Variants in ZNF709 observed in about 807,000 individuals in gnomAD.
ZNF709 encodes zinc finger protein 709.
A neutral mutation model predicts 10.6 loss-of-function variants in ZNF709; 15 were observed. The observed-to-expected ratio is 1.41, with a 90% CI of 0.95 to 2.18. The LOEUF (loss-of-function observed/expected upper bound fraction) is 2.18. Ranked by LOEUF, ZNF709 falls within the 30% of genes most tolerant of loss-of-function variation. The probability of loss-of-function intolerance (pLI) is 0.00; values close to 1 mark genes in which losing one functional copy is unlikely to be tolerated. For missense variants in ZNF709, 589 were observed against 774.0 expected (o/e 0.76, Z 2.84); for synonymous variants, 194 against 238.8 (o/e 0.81, Z 1.73).
Position 12,466,868 on chromosome 19 carries a change from T to A in ZNF709, c.4-18A>T. On this transcript the variant is annotated intron_variant, in intron 1 of 3. Coordinates refer to ENST00000397732, the MANE Select transcript of ZNF709 (RefSeq NM_152601.4). ...ACTGAGTCCTGAAACATCCCACATG[T>A]ATAGGGGAGGATGGGTGAGACTGAC... The A allele has an allele frequency of 6.2e-7, 1 of 1,609,780 alleles. No homozygotes were observed. The highest frequency in any genetic ancestry group is 1.1e-5 in the South Asian group (1 of 90,382).
chr19:12,484,057 C>T (rs1457633247), intron 1 of ZNF709, among the ~76,000 whole-genome samples: 1 of 152,150 alleles, frequency 6.6e-6, no homozygotes, highest in Non-Finnish European at 1.5e-5. Context: ...CCATCCATTC[C>T]TCTGTACAAA....
At chr19:12,469,084 C>T (rs1970611524) in intron 1 of ZNF709, among the ~76,000 whole-genome samples, 1 of 152,170 alleles carries the variant, frequency 6.6e-6, no homozygotes, top group South Asian at 2.1e-4. Flanking sequence ...TCGTGATCCG[C>T]CCACCTCGGC....
intron 1 of ZNF709, among the ~76,000 whole-genome samples, chr19:12,467,292 G>A (rs35996066): frequency 0.31 from 47,025 of 152,064 alleles, 7,445 homozygotes; most frequent in South Asian, 0.43. Context: ...CGCGCGCGCC[G>A]CCACGCCTGA....
chr19:12,482,188 C>T (rs949613774), intron 1 of ZNF709, among the ~76,000 whole-genome samples: 15 of 151,416 alleles, frequency 9.9e-5, no homozygotes, highest in African/African-American at 3.6e-4. Flanking sequence ...CACACACGCT[C>T]CCTCTCCCTC....
intron 1 of ZNF709, among the ~76,000 whole-genome samples, chr19:12,467,832 A>G (rs28632001): frequency 0.76 from 112,063 of 148,066 alleles, 42,355 homozygotes; most frequent in Non-Finnish European, 0.79. Context: ...GCCCGGCCGC[A>G]ACCCCGTCTG....
chr19:12,462,546 G>C lies in ZNF709; in HGVS notation c.*1450C>G, dbSNP rs540211609. ...GATGAAAATAATAATTCCAATGAGAGAGTATACTGTATGATAAACTTTGCA... is the reference window on the plus strand; with the variant it reads ...GATGAAAATAATAATTCCAATGAGACAGTATACTGTATGATAAACTTTGCA... On this transcript the variant is annotated 3_prime_UTR_variant, in exon 4 of 4. Coordinates refer to ENST00000397732, the MANE Select transcript of ZNF709 (RefSeq NM_152601.4). 6.6e-6 allele frequency: 1 copy of C among 152,266 alleles called. No individual in the cohort carries two copies. Among genetic ancestry groups the C allele is most frequent in the South Asian group, 2.1e-4 (1 of 4,826 alleles). The allele number at this position is 152,266 out of a possible 1,614,324, so 9.4% of individuals were successfully genotyped here.
chr19:12,483,485 T>C (rs1970748957), intron 1 of ZNF709, among the ~76,000 whole-genome samples: 1 of 152,028 alleles, frequency 6.6e-6, no homozygotes, highest in South Asian at 2.1e-4. Context: ...AACCCATCTC[T>C]TTCTTGCCTC....
intron 1 of ZNF709, among the ~76,000 whole-genome samples, chr19:12,482,780 G>T (rs1763897133): frequency 6.6e-6 from 1 of 152,142 alleles, no homozygotes; most frequent in Non-Finnish European, 1.5e-5. Context: ...TCCACAGTAG[G>T]TATGAGCAGG....
intron 1 of ZNF709, among the ~76,000 whole-genome samples, chr19:12,480,421 C>A (rs190422912): frequency 2.0e-5 from 3 of 152,130 alleles, no homozygotes; most frequent in Non-Finnish European, 4.4e-5. Flanking sequence ...CAGTGGCTCA[C>A]GCCTGTAATC....
intron 1 of ZNF709, among the ~76,000 whole-genome samples, chr19:12,472,892 A>G (rs1020811502): frequency 3.9e-5 from 6 of 152,138 alleles, no homozygotes; most frequent in African/African-American, 1.4e-4. Flanking sequence ...CAAAAAAAAA[A>G]AGGAAAAGGT....
rs568223244 is a variant in ZNF709, at chr19:12,463,293, G to T, written c.*703C>A. 6.6e-6 allele frequency: 1 copy of T among 152,304 alleles called. No homozygotes were observed. Among genetic ancestry groups the T allele is most frequent in the South Asian group, 2.1e-4 (1 of 4,828 alleles). The allele number at this position is 152,304 out of a possible 1,614,324, so 9.4% of individuals were successfully genotyped here. The stretch of plus-strand genomic sequence containing the variant: ...GCTTTCTCACAATGTCTATATTTAA[G>T]AAGTCGCTTTCCAGTGTGAGTTTGT... On this transcript the variant is annotated 3_prime_UTR_variant, in exon 4 of 4. Transcript: ENST00000397732.
chr19:12,484,564 C>T, intron 1 of ZNF709, 91 bp downstream of exon 1: 2 of 1,504,554 alleles, frequency 1.3e-6, no homozygotes, highest in Admixed American at 3.9e-5. Flanking sequence ...GAGACAACGG[C>T]GGGGAGGCCT....
chr19:12,468,474 G>A (rs1398950799), intron 1 of ZNF709, among the ~76,000 whole-genome samples: 2 of 151,834 alleles, frequency 1.3e-5, no homozygotes, highest in Non-Finnish European at 2.9e-5. Context: ...ATGTGCTTTG[G>A]TAAACAGATG....
At chr19:12,479,737 G>C (rs979357959) in intron 1 of ZNF709, among the ~76,000 whole-genome samples, 7 of 152,100 alleles carry the variant, frequency 4.6e-5, no homozygotes, top group African/African-American at 1.7e-4. Context: ...GGGCGTGGTG[G>C]TGCACGCATG....
intron 1 of ZNF709, among the ~76,000 whole-genome samples, chr19:12,477,170 G>A (rs966825898): frequency 1.3e-5 from 2 of 152,164 alleles, no homozygotes. Context: ...TCCATTGTGG[G>A]TTGCCATTCA....
chr19:12,481,066 G>T, intron 1 of ZNF709: 2 of 619,562 alleles, frequency 3.2e-6, no homozygotes, highest in Non-Finnish European at 4.0e-6. Context: ...TTACAGGCAT[G>T]AGCCACGATG....
intron 1 of ZNF709, among the ~76,000 whole-genome samples, chr19:12,469,246 C>T (rs1379834644): frequency 6.6e-6 from 1 of 152,186 alleles, no homozygotes; most frequent in Non-Finnish European, 1.5e-5. Context: ...GCAACAACAT[C>T]CTGCTGGCCA....
intron 1 of ZNF709, among the ~76,000 whole-genome samples, chr19:12,482,003 G>GAAGGA (rs753945483): frequency 1.7e-3 from 204 of 119,706 alleles, no homozygotes; most frequent in Non-Finnish European, 2.6e-3. Flanking sequence ...AGGAAAGGAA[G>GAAGGA]AAGGAAAGGA....
At chr19:12,472,634 G>A (rs1970643483) in intron 1 of ZNF709, among the ~76,000 whole-genome samples, 1 of 151,912 alleles carries the variant, frequency 6.6e-6, no homozygotes, top group African/African-American at 2.4e-5. Context: ...TGTAATCCCA[G>A]AACTTTGGAA....
Sources: allele counts gnomAD v4.1 joint callset (sites outside exome capture counted in the v4.1 genomes callset), GRCh38; gene constraint gnomAD v4.1.1; transcripts MANE v1.5; gene names NCBI Gene and HGNC (gene_info 2026-07-23, HGNC 2026-07-21).